Variants in DPP10 observed in about 807,000 individuals in gnomAD.
The protein encoded by DPP10 is dipeptidyl peptidase like 10.
DPP10 carries 33 observed loss-of-function variants against 120.9 expected under a neutral mutation model. The ratio of observed to expected loss-of-function variants is 0.27; its 90% CI spans 0.21 to 0.37. The LOEUF (loss-of-function observed/expected upper bound fraction) is 0.37, where lower values mean the gene tolerates loss of function less well. Ranked by LOEUF, DPP10 falls within the 10% of genes least tolerant of loss-of-function variation. DPP10 has a pLI of 1.00. For missense variants in DPP10, 816 were observed against 942.8 expected (o/e 0.87, Z 1.76); for synonymous variants, 337 against 326.1 (o/e 1.03, Z -0.36).
intron 1 of DPP10, among the ~76,000 whole-genome samples, chr2:114,887,581 C>A (rs1692177333): frequency 1.3e-5 from 2 of 152,180 alleles, no homozygotes; most frequent in Admixed American, 6.5e-5. Flanking sequence ...GGTTGCTCAC[C>A]TTCCAAAAGT....
At chr2:114,629,430 G>A (rs919350730) in intron 1 of DPP10, among the ~76,000 whole-genome samples, 5 of 152,110 alleles carry the variant, frequency 3.3e-5, no homozygotes, top group African/African-American at 9.7e-5. Context: ...TTGGTTAAGG[G>A]CTTTAAGATA....
chr2:115,462,796 C>A (rs1327247074), intron 3 of DPP10, among the ~76,000 whole-genome samples: 3 of 152,150 alleles, frequency 2.0e-5, no homozygotes, highest in Non-Finnish European at 4.4e-5. Context: ...GTGGCACGAT[C>A]TCAGCTCACT....
intron 21 of DPP10, among the ~76,000 whole-genome samples, chr2:115,832,445 G>A (rs1689027659): frequency 6.6e-6 from 1 of 152,212 alleles, no homozygotes; most frequent in South Asian, 2.1e-4. Context: ...AGCAGAGATT[G>A]TGCCATGTAC....
chr2:115,761,149 G>C (rs550598528), intron 11 of DPP10, among the ~76,000 whole-genome samples: 5 of 148,448 alleles, frequency 3.4e-5, no homozygotes, highest in African/African-American at 4.9e-5. Context: ...GCTCACACCT[G>C]TTATTCCAAC....
At chr2:115,140,283 T>G (rs1559138945) in intron 1 of DPP10, among the ~76,000 whole-genome samples, 1 of 152,228 alleles carries the variant, frequency 6.6e-6, no homozygotes, top group African/African-American at 2.4e-5. Context: ...TCTAGGGAAG[T>G]GTACTACTGG....
chr2:115,802,712 T>G lies in DPP10; in HGVS notation c.1700+11356T>G, dbSNP rs1300324718. ...TACCCAGTAGTCATTCAGGAGCAGG[T>G]TGTTTAGTTTCCATGTAGTTGAGCG... On this transcript the variant is annotated intron_variant, in intron 19 of 25. Transcript: ENST00000410059. 2.6e-5 allele frequency among the ~76,000 whole-genome samples: 4 copies of G among 152,120 alleles called. No homozygotes were observed. In the East Asian group the frequency reaches 7.7e-4, roughly 29 times the overall value.
intron 4 of DPP10, among the ~76,000 whole-genome samples, chr2:115,515,589 C>A (rs1359032007): frequency 6.6e-6 from 1 of 151,984 alleles, no homozygotes; most frequent in African/African-American, 2.4e-5. Context: ...AATATTTGTA[C>A]TTAGTCTTAA....
intron 4 of DPP10, among the ~76,000 whole-genome samples, chr2:115,517,818 A>G (rs958294129): frequency 2.0e-5 from 3 of 152,192 alleles, no homozygotes; most frequent in Admixed American, 6.5e-5. Flanking sequence ...TGCTAAATAG[A>G]TATCTGTCTT....
At chr2:114,809,563 T>G (rs1394467295) in intron 1 of DPP10, among the ~76,000 whole-genome samples, 1 of 152,186 alleles carries the variant, frequency 6.6e-6, no homozygotes, top group Non-Finnish European at 1.5e-5. Flanking sequence ...ATTGTCCCTT[T>G]CTTTGTGACA....
At chr2:115,383,337 C>A (rs569328860) in intron 3 of DPP10, among the ~76,000 whole-genome samples, 1 of 152,312 alleles carries the variant, frequency 6.6e-6, no homozygotes, top group South Asian at 2.1e-4. Flanking sequence ...AAGCTCTCTT[C>A]TCTTGTCTGC....
At chr2:115,391,010 A>C (rs963566616) in intron 3 of DPP10, among the ~76,000 whole-genome samples, 5 of 152,158 alleles carry the variant, frequency 3.3e-5, no homozygotes, top group African/African-American at 1.2e-4. Context: ...TATGGAGACT[A>C]TTAGATAAAA....
chr2:115,366,660 GGTCT>G (rs2065096458), intron 3 of DPP10, among the ~76,000 whole-genome samples: 2 of 152,100 alleles, frequency 1.3e-5, no homozygotes, highest in South Asian at 4.2e-4. Context: ...TTTGAAGGAA[GGTCT>G]GTCTATCTAG....
chr2:115,815,757 T>C, intron 21 of DPP10, 28 bp downstream of exon 21: 1 of 1,569,390 alleles, frequency 6.4e-7, no homozygotes, highest in African/African-American at 1.4e-5. Context: ...TGAATCTATC[T>C]TTTTATGCGT....
At chr2:115,432,776 C>T (rs923243563) in intron 3 of DPP10, among the ~76,000 whole-genome samples, 2 of 150,956 alleles carry the variant, frequency 1.3e-5, no homozygotes, top group Admixed American at 6.6e-5. Context: ...TATTGATTGT[C>T]ACAGATATGG....
chr2:114,670,000 C>A (rs1698209095), intron 1 of DPP10, among the ~76,000 whole-genome samples: 1 of 152,040 alleles, frequency 6.6e-6, no homozygotes, highest in African/African-American at 2.4e-5. Flanking sequence ...GAATGGCAAT[C>A]ATTAAAAAGT....
At chr2:114,815,614 A>G (rs17043604) in intron 1 of DPP10, among the ~76,000 whole-genome samples, 3,243 of 152,312 alleles carry the variant, frequency 0.021, 110 homozygotes, top group African/African-American at 0.069. Flanking sequence ...GAGCTGCCTA[A>G]TGGTTGACCT....
chr2:114,759,223 G>A (rs903239660), intron 1 of DPP10, among the ~76,000 whole-genome samples: 1 of 152,152 alleles, frequency 6.6e-6, no homozygotes, highest in African/African-American at 2.4e-5. Context: ...TCCATATGAA[G>A]CACCAAAACA....
intron 8 of DPP10, among the ~76,000 whole-genome samples, chr2:115,729,239 C>T (rs1281906429): frequency 2.0e-5 from 3 of 152,118 alleles, no homozygotes; most frequent in African/African-American, 4.8e-5. Flanking sequence ...AGGTGGACAA[C>T]ACATTTAAAA....
At chr2:115,624,222 T>A (rs2085190314) in intron 5 of DPP10, among the ~76,000 whole-genome samples, 1 of 152,064 alleles carries the variant, frequency 6.6e-6, no homozygotes, top group African/African-American at 2.4e-5. Context: ...TCCTTATCTT[T>A]TTGTTAAATT....
Sources: gnomAD v4.1 joint callset for allele counts (sites outside exome capture counted in the v4.1 genomes callset) on GRCh38, gnomAD v4.1.1 for gene constraint, MANE v1.5 for transcripts, NCBI Gene and HGNC (gene_info 2026-07-23, HGNC 2026-07-21) for gene names.